The following FREM1 variants were observed in gnomAD, a reference collection of about 807,000 sequenced individuals.
FREM1 encodes the protein FRAS1 related extracellular matrix 1, also known as FRAS1-related extracellular matrix protein 1.
A neutral mutation model predicts 210.1 loss-of-function variants in FREM1; 220 were observed. The ratio of observed to expected loss-of-function variants is 1.05; its 90% CI spans 0.94 to 1.17. The LOEUF (loss-of-function observed/expected upper bound fraction) is 1.17. Ranked by LOEUF, FREM1 falls within the 50% of genes most tolerant of loss-of-function variation. The pLI, the probability that FREM1 is intolerant of heterozygous loss-of-function variation, is 0.00. For missense variants in FREM1, 3,454 were observed against 2,675.5 expected (o/e 1.29, Z -6.42); for synonymous variants, 1,189 against 980.2 (o/e 1.21, Z -3.98).
chr9:14,860,780 T>TATGCACATATATGCACATCTATAC (rs1554707469), intron 3 of FREM1, among the ~76,000 whole-genome samples: 1 of 85,786 alleles, frequency 1.2e-5, no homozygotes, highest in African/African-American at 5.9e-5. Flanking sequence ...TACACATATA[T>TATGCACATATATGCACATCTATAC]ACATATATAC....
chr9:14,775,674 C>G, intron 25 of FREM1, 115 bp downstream of exon 25: 1 of 692,898 alleles, frequency 1.4e-6, no homozygotes, highest in Non-Finnish European at 2.3e-6. Flanking sequence ...CGCCACTGCA[C>G]TGCAGCCTGG....
intron 1 of FREM1, among the ~76,000 whole-genome samples, chr9:14,872,361 T>C (rs960337298): frequency 2.0e-5 from 3 of 152,150 alleles, no homozygotes; most frequent in Non-Finnish European, 4.4e-5. Flanking sequence ...TGGTTTGTAG[T>C]TCTCCTTGAA....
chr9:14,847,177 T>C (rs10810271), intron 7 of FREM1, among the ~76,000 whole-genome samples: 28,503 of 151,976 alleles, frequency 0.19, 3,729 homozygotes, highest in African/African-American at 0.36. Context: ...TTCCAACTCT[T>C]ACCAGACACA....
chr9:14,792,301 C>G lies in FREM1; in HGVS notation c.3981+442G>C, dbSNP rs200593373. Among the ~76,000 whole-genome samples, 452 of 144,992 alleles carry G rather than the reference C, an allele frequency of 3.1e-3. 3 individuals carry two copies. Among genetic ancestry groups the G allele is most frequent in the African/African-American group, 0.011 (431 of 38,922 alleles). ...ACACACACACACACACACACACACA[C>G]ACAGAGAGAGAGAGAGATTGAGAGA... is the stretch of plus-strand genomic sequence containing the variant. On this transcript the variant is annotated intron_variant, in intron 22 of 36. Coordinates refer to ENST00000380880, the MANE Select transcript of FREM1 (RefSeq NM_001379081.2).
At chr9:14,740,897 G>C (rs971012587) in intron 35 of FREM1, among the ~76,000 whole-genome samples, 2 of 151,968 alleles carry the variant, frequency 1.3e-5, no homozygotes, top group Admixed American at 6.6e-5. Flanking sequence ...ATATTTGATT[G>C]TGCCTAATTC....
At chr9:14,784,202 C>T (rs1563920133) in intron 24 of FREM1, 168 bp downstream of exon 24, 2 of 587,954 alleles carry the variant, frequency 3.4e-6, no homozygotes, top group Non-Finnish European at 5.2e-6. Context: ...CTTTTCTTTC[C>T]TTTTTTTAAA....
intron 35 of FREM1, among the ~76,000 whole-genome samples, chr9:14,745,119 G>A (rs1253131154): frequency 6.6e-6 from 1 of 152,122 alleles, no homozygotes; most frequent in Non-Finnish European, 1.5e-5. Flanking sequence ...ATTGGAGTTT[G>A]GAAAGTGAGA....
At chr9:14,785,730 CAT>C (rs1431399252) in intron 23 of FREM1, among the ~76,000 whole-genome samples, 2 of 151,762 alleles carry the variant, frequency 1.3e-5, no homozygotes, top group Admixed American at 6.6e-5. Context: ...TAGCAAAACT[CAT>C]AGAGACAGAA....
At chr9:14,753,039 G>C (rs1480176654) in intron 29 of FREM1, among the ~76,000 whole-genome samples, 1 of 152,124 alleles carries the variant, frequency 6.6e-6, no homozygotes, top group Non-Finnish European at 1.5e-5. Context: ...TAACTCTTTA[G>C]GTTAATGAGA....
intron 22 of FREM1, among the ~76,000 whole-genome samples, chr9:14,791,820 G>A (rs200311022): frequency 6.7e-6 from 1 of 150,234 alleles, no homozygotes; most frequent in African/African-American, 2.4e-5. Context: ...TCAGATAATG[G>A]TTTGTTTTGT....
chr9:14,870,061 G>A (rs1588492888), intron 1 of FREM1, among the ~76,000 whole-genome samples: 1 of 152,276 alleles, frequency 6.6e-6, no homozygotes, highest in Non-Finnish European at 1.5e-5. Context: ...AAAGTAAAAT[G>A]CACTGAAATA....
intron 3 of FREM1, among the ~76,000 whole-genome samples, chr9:14,861,747 T>G (rs1830640999): frequency 6.6e-6 from 1 of 152,152 alleles, no homozygotes; most frequent in African/African-American, 2.4e-5. Context: ...CCTCAGGTGA[T>G]CTGCCCACCT....
At chr9:14,891,400 A>G (rs2132381673) in intron 1 of FREM1, among the ~76,000 whole-genome samples, 1 of 152,370 alleles carries the variant, frequency 6.6e-6, no homozygotes, top group Admixed American at 6.5e-5. Context: ...GTACAGTGTA[A>G]TTCAGAAAGA....
At chr9:14,760,072 A>T (rs1245642601) in intron 27 of FREM1, among the ~76,000 whole-genome samples, 171 bp from the exon 28 acceptor site, 1 of 152,242 alleles carries the variant, frequency 6.6e-6, no homozygotes, top group East Asian at 1.9e-4. Flanking sequence ...TACTAACATT[A>T]TCTCATTTGA....
At chr9:14,739,228 C>T (rs1840987702) in intron 36 of FREM1, among the ~76,000 whole-genome samples, 1 of 151,026 alleles carries the variant, frequency 6.6e-6, no homozygotes, top group Non-Finnish European at 1.5e-5. Flanking sequence ...CTCAGCCTCC[C>T]AAGTAGGTGG....
intron 25 of FREM1, 114 bp downstream of exon 25, chr9:14,775,675 T>A: frequency 1.5e-6 from 1 of 688,930 alleles, no homozygotes; most frequent in Non-Finnish European, 2.3e-6. Context: ...GCCACTGCAC[T>A]GCAGCCTGGG....
chr9:14,868,096 C>T (rs1222713816), intron 2 of FREM1, among the ~76,000 whole-genome samples: 1 of 152,164 alleles, frequency 6.6e-6, no homozygotes, highest in Non-Finnish European at 1.5e-5. Flanking sequence ...TTTTCTACTT[C>T]TTTTCCCTTA....
chr9:14,824,171 T>C (rs1336447130), intron 11 of FREM1, 56 bp from the exon 12 acceptor site: 4 of 1,086,382 alleles, frequency 3.7e-6, no homozygotes, highest in Non-Finnish European at 5.5e-6. Flanking sequence ...AAAAATGAAA[T>C]CGAATAGCCC....
intron 19 of FREM1, among the ~76,000 whole-genome samples, chr9:14,804,549 C>G (rs1818002997): frequency 6.6e-6 from 1 of 152,178 alleles, no homozygotes; most frequent in South Asian, 2.1e-4. Flanking sequence ...CGCGCCACTG[C>G]ACTCCAGCCT....
Sources: allele counts gnomAD v4.1 joint callset (sites outside exome capture counted in the v4.1 genomes callset), GRCh38; gene constraint gnomAD v4.1.1; transcripts MANE v1.5; gene names NCBI Gene and HGNC (gene_info 2026-07-23, HGNC 2026-07-21).